HOMER2: variants seen among roughly 807,000 people sequenced by gnomAD.
HOMER2 encodes the protein homer scaffold protein 2.
HOMER2 carries 27 observed loss-of-function variants against 47.0 expected under a neutral mutation model. The observed-to-expected ratio is 0.57, with a 90% CI of 0.42 to 0.79. HOMER2 has a LOEUF of 0.79. Ranked by LOEUF, HOMER2 falls within the 30% of genes least tolerant of loss-of-function variation. The pLI, the probability that HOMER2 is intolerant of heterozygous loss-of-function variation, is 0.00. For synonymous variants in HOMER2, 161 were observed against 163.8 expected (o/e 0.98, Z 0.13); for missense variants, 443 against 435.0 (o/e 1.02, Z -0.16).
At chr15:82,974,428 G>T (rs1375991167) in intron 1 of HOMER2, among the ~76,000 whole-genome samples, 2 of 151,778 alleles carry the variant, frequency 1.3e-5, no homozygotes, top group African/African-American at 4.8e-5. Flanking sequence ...AATACTAAAG[G>T]TCTCCATAGA....
At chr15:82,928,997 C>T (rs1159126930) in intron 1 of HOMER2, among the ~76,000 whole-genome samples, 2 of 124,736 alleles carry the variant, frequency 1.6e-5, no homozygotes, top group Admixed American at 9.4e-5. Context: ...ACAATGCAGA[C>T]GACCATCTAA....
intron 1 of HOMER2, among the ~76,000 whole-genome samples, chr15:82,919,340 T>G (rs1292389464): frequency 6.6e-6 from 1 of 152,204 alleles, no homozygotes; most frequent in African/African-American, 2.4e-5. Flanking sequence ...TGCTCGTCCA[T>G]ACAGGATCAA....
intron 2 of HOMER2, among the ~76,000 whole-genome samples, chr15:82,880,905 G>T (rs1315308436): frequency 6.6e-6 from 1 of 152,202 alleles, no homozygotes; most frequent in Non-Finnish European, 1.5e-5. Flanking sequence ...AACCAAGGAA[G>T]AATTCAGCCC....
Position 82,906,376 on chromosome 15 carries a change from A to C in HOMER2, c.6-13535T>G, listed in dbSNP as rs186354669. On this transcript the variant is annotated intron_variant, in intron 1 of 8. Coordinates refer to ENST00000450735, the MANE Select transcript of HOMER2 (RefSeq NM_004839.4). ...TTAAATGTCAATGTTCTAAATACACAAAAGACAGAGATTGTTAGAATGGGT... is the reference window on the plus strand; with the variant it reads ...TTAAATGTCAATGTTCTAAATACACCAAAGACAGAGATTGTTAGAATGGGT... 5.8e-3 allele frequency among the ~76,000 whole-genome samples: 889 copies of C among 152,314 alleles called. 5 individuals carry two copies. The highest frequency in any genetic ancestry group is 9.9e-3 in the Non-Finnish European group (671 of 68,026).
intron 7 of HOMER2, 83 bp from the exon 8 acceptor site, chr15:82,851,314 G>T: frequency 1.1e-6 from 1 of 933,544 alleles, no homozygotes; most frequent in Non-Finnish European, 1.7e-6. Flanking sequence ...GTGCACGCTC[G>T]TGGAAGCAGC....
intron 1 of HOMER2, among the ~76,000 whole-genome samples, chr15:82,971,158 T>C (rs2151257494): frequency 6.6e-6 from 1 of 152,322 alleles, no homozygotes; most frequent in African/African-American, 2.4e-5. Context: ...ACCCAATTCT[T>C]GATAATGAGC....
At chr15:82,897,140 C>T (rs2052958260) in intron 1 of HOMER2, among the ~76,000 whole-genome samples, 1 of 132,152 alleles carries the variant, frequency 7.6e-6, no homozygotes, top group South Asian at 2.4e-4. Flanking sequence ...GATCTTGGCT[C>T]ACTGCAACCT....
At chr15:82,889,652 G>C (rs970443971) in intron 2 of HOMER2, among the ~76,000 whole-genome samples, 3 of 152,158 alleles carry the variant, frequency 2.0e-5, no homozygotes, top group African/African-American at 7.2e-5. Flanking sequence ...CTTAGTAATG[G>C]GTGGGGAAGG....
At chr15:82,968,067 T>G (rs528349322) in intron 1 of HOMER2, among the ~76,000 whole-genome samples, 2 of 152,332 alleles carry the variant, frequency 1.3e-5, no homozygotes, top group African/African-American at 4.8e-5. Context: ...ATTTTTAAAT[T>G]TTTTATTTCT....
chr15:82,974,027 T>G (rs145669092), intron 1 of HOMER2, among the ~76,000 whole-genome samples: 1,658 of 151,964 alleles, frequency 0.011, 9 homozygotes, highest in Non-Finnish European at 0.017. Flanking sequence ...GAACCCAGGA[T>G]GCAGAGGTTG....
intron 1 of HOMER2, among the ~76,000 whole-genome samples, chr15:82,974,823 A>G (rs970466070): frequency 6.6e-6 from 1 of 152,156 alleles, no homozygotes; most frequent in African/African-American, 2.4e-5. Flanking sequence ...TAATCCCAGC[A>G]CTTCGGGAGG....
exon 2 of HOMER2, chr15:82,841,994 G>C (rs966598722): frequency 6.6e-6 from 1 of 152,012 alleles, no homozygotes; most frequent in East Asian, 1.9e-4. Flanking sequence ...TTAATTATGG[G>C]GGACTTTAAT....
At chr15:82,884,819 A>G (rs2052598561) in intron 2 of HOMER2, among the ~76,000 whole-genome samples, 1 of 14,448 alleles carries the variant, frequency 6.9e-5, no homozygotes, top group Non-Finnish European at 9.9e-5. Flanking sequence ...TTCTAGATAA[A>G]CAATCATGTC....
intron 1 of HOMER2, among the ~76,000 whole-genome samples, chr15:82,908,747 T>TA (rs145654945): frequency 2.6e-4 from 39 of 148,588 alleles, no homozygotes; most frequent in East Asian, 5.9e-4. Flanking sequence ...GCTTTTTTTT[T>TA]AAAAAAAAAA....
intron 1 of HOMER2, among the ~76,000 whole-genome samples, chr15:82,981,336 C>T (rs1485284368): frequency 1.3e-5 from 2 of 152,200 alleles, no homozygotes; most frequent in Non-Finnish European, 2.9e-5. Flanking sequence ...CCAGGACTTT[C>T]TGCTGGTGTG....
intron 4 of HOMER2, among the ~76,000 whole-genome samples, chr15:82,862,387 G>A (rs754908997): frequency 1.3e-4 from 20 of 152,158 alleles, no homozygotes; most frequent in Non-Finnish European, 2.6e-4. Context: ...CAGCTACCTG[G>A]GAGGCCAAGG....
At chr15:82,940,919 A>AC (rs1338783611) in intron 1 of HOMER2, among the ~76,000 whole-genome samples, 1 of 151,104 alleles carries the variant, frequency 6.6e-6, no homozygotes, top group East Asian at 1.9e-4. Flanking sequence ...TCTAACTCTC[A>AC]CCCCCAGTGA....
At chr15:82,838,483 T>TC (rs563202182) in exon 2 of HOMER2, 6 of 152,370 alleles carry the variant, frequency 3.9e-5, no homozygotes, top group African/African-American at 1.4e-4. Context: ...AGCAGTCCCT[T>TC]CAAGTTAAAT....
intron 1 of HOMER2, among the ~76,000 whole-genome samples, chr15:82,983,923 C>T (rs1483422733): frequency 1.3e-5 from 2 of 151,894 alleles, no homozygotes; most frequent in Admixed American, 6.6e-5. Context: ...CTTTTTCTCT[C>T]GTAATCCACT....
Sources: allele counts gnomAD v4.1 joint callset (sites outside exome capture counted in the v4.1 genomes callset), GRCh38; gene constraint gnomAD v4.1.1; transcripts MANE v1.5; gene names NCBI Gene and HGNC (gene_info 2026-07-23, HGNC 2026-07-21).